The following SYNE2 variants were observed in gnomAD, a reference collection of about 807,000 sequenced individuals.
The protein encoded by SYNE2 is spectrin repeat containing nuclear envelope protein 2.
SYNE2 carries 431 observed loss-of-function variants against 856.3 expected under a neutral mutation model. The observed-to-expected ratio is 0.50, with a 90% CI of 0.47 to 0.55. The LOEUF is 0.55. Among genes scored for constraint, SYNE2 ranks in the 20% least tolerant of loss-of-function variants. The pLI is 0.00. For missense variants in SYNE2, 8,129 were observed against 8,023.2 expected (o/e 1.01, Z -0.50); for synonymous variants, 2,923 against 2,872.3 (o/e 1.02, Z -0.56).
intron 59 of SYNE2, among the ~76,000 whole-genome samples, chr14:64,090,023 T>C (rs1316503100): frequency 6.6e-6 from 1 of 152,208 alleles, no homozygotes; most frequent in African/African-American, 2.4e-5. Flanking sequence ...TTGGATTCTC[T>C]TTCATATCCG....
intron 2 of SYNE2, among the ~76,000 whole-genome samples, chr14:63,910,723 GAATC>G (rs1447932435): frequency 6.6e-6 from 1 of 152,168 alleles, no homozygotes; most frequent in African/African-American, 2.4e-5. Context: ...TGTAAAATGT[GAATC>G]AGAGTTCCCA....
At chr14:64,021,283 G>A (rs372382668) in intron 35 of SYNE2, 32 bp from the exon 36 acceptor site, 4 of 1,537,862 alleles carry the variant, frequency 2.6e-6, no homozygotes, top group Non-Finnish European at 2.7e-6. Flanking sequence ...AATAATGACT[G>A]TTATACAACT....
chr14:63,939,346 T>C (rs4902255), intron 2 of SYNE2, among the ~76,000 whole-genome samples: 15,839 of 125,420 alleles, frequency 0.13, 1,468 homozygotes, highest in African/African-American at 0.28. Context: ...ATTTTTTTTT[T>C]CTTTTTTTTT....
At chr14:64,140,132 A>C in intron 80 of SYNE2, 59 bp downstream of exon 80, 22 of 1,542,570 alleles carry the variant, frequency 1.4e-5, no homozygotes, top group Non-Finnish European at 2.0e-5. Flanking sequence ...ATCAAGGAAA[A>C]AGCATCAGGG....
intron 1 of SYNE2, among the ~76,000 whole-genome samples, chr14:63,817,749 C>T (rs11624091): frequency 0.021 from 3,221 of 152,160 alleles, 64 homozygotes; most frequent in Non-Finnish European, 0.029. Flanking sequence ...TCAGGCCAGG[C>T]GTGGTGGCTC....
chr14:63,900,698 A>C (rs2095325778), intron 1 of SYNE2, among the ~76,000 whole-genome samples: 1 of 152,196 alleles, frequency 6.6e-6, no homozygotes, highest in South Asian at 2.1e-4. Context: ...GGAGGAGGGA[A>C]TAGAGTGGAT....
chr14:64,026,577 A>G lies in SYNE2; in HGVS notation c.6253-2A>G. 1.2e-6 allele frequency: 2 copies of G among 1,611,426 alleles called. No homozygotes were observed. The highest frequency in any genetic ancestry group is 1.7e-6 in the Non-Finnish European group (2 of 1,178,148). ...TTATAAAATCTCTTTTATTTAATTC[A>G]GGAAATCATTTTGCTGAAGCCTGAA... is the stretch of plus-strand genomic sequence containing the variant. On this transcript the variant is annotated splice_acceptor_variant, in intron 41 of 115. Coordinates refer to ENST00000555002, the MANE Select transcript of SYNE2 (RefSeq NM_182914.3). LOFTEE classifies it high-confidence loss of function.
intron 2 of SYNE2, among the ~76,000 whole-genome samples, chr14:63,938,001 T>C (rs1413233347): frequency 3.3e-5 from 5 of 152,028 alleles, no homozygotes; most frequent in Admixed American, 6.6e-5. Flanking sequence ...TGCATGAACT[T>C]GAGATCATGG....
At position 64,182,960 on chromosome 14, in the gene SYNE2, G is replaced by A. The variant is rs967303059; in HGVS notation, c.17557-3464G>A. Among the ~76,000 whole-genome samples, 37 of 151,656 alleles carry A rather than the reference G, an allele frequency of 2.4e-4. 1 individual carries two copies. Among genetic ancestry groups the A allele is most frequent in the South Asian group, 2.1e-4 (1 of 4,796 alleles). ...GGCTCCTCACTTCCCAGAAGGGGCG[G>A]CCGGGCAGAGGCGCCCCCCACCTCC... On this transcript the variant is annotated intron_variant, in intron 96 of 115. Coordinates refer to ENST00000555002, the MANE Select transcript of SYNE2 (RefSeq NM_182914.3).
Position 64,052,839 on chromosome 14 carries a change from G to A in SYNE2, c.8926G>A (p.Gly2976Ser), listed in dbSNP as rs769079237. The change falls in exon 48 of 116, where the codon GGT becomes AGT. Residue 2976 changes from glycine (G) to serine (S), a missense_variant. Physicochemically the swap from Gly to Ser is moderately conservative, Grantham distance 56 (BLOSUM62 0). Transcript: ENST00000555002. Reference protein sequence around the residue: ...ELLLNQEVNKGVKEEIYNLKD... With the variant: ...ELLLNQEVNKSVKEEIYNLKD... Reference sequence around the variant, plus strand: ...ATTACTTAATCAAGAAGTAAATAAAGGTGTTAAAGAGGAGATCTATAATCT... The same window carrying A: ...ATTACTTAATCAAGAAGTAAATAAAAGTGTTAAAGAGGAGATCTATAATCT... 5.0e-6 allele frequency: 8 copies of A among 1,613,492 alleles called. No individual in the cohort carries two copies. The highest frequency in any genetic ancestry group is 6.8e-6 in the Non-Finnish European group (8 of 1,179,936).
chr14:63,876,314 G>C (rs1261879907), intron 1 of SYNE2, among the ~76,000 whole-genome samples: 1 of 151,756 alleles, frequency 6.6e-6, no homozygotes, highest in Admixed American at 6.6e-5. Flanking sequence ...CTACTTGGGA[G>C]GCTGAGGTGG....
chr14:64,031,683 A>AT, intron 45 of SYNE2, among the ~76,000 whole-genome samples: 1 of 152,304 alleles, frequency 6.6e-6, no homozygotes, highest in South Asian at 2.1e-4. Flanking sequence ...TTCTTTACCT[A>AT]TTTTCTCAGG....
rs1230340908 is a variant in SYNE2, at chr14:64,031,046, G to C, written c.6910G>C (p.Gly2304Arg). ...ELENRLSLQD[G>R]TLKKILALAK... ...AGAGAATAGACTCAGTTTACAAGAT[G>C]GCACATTAAAGAAGATTTTAGCTTT... is the stretch of plus-strand genomic sequence containing the variant. The change falls in exon 45 of 116, where the codon GGC becomes CGC. Residue 2304 changes from glycine to arginine, a missense_variant. By Grantham distance (125) the Gly-to-Arg change is moderately radical. Coordinates refer to ENST00000555002, the MANE Select transcript of SYNE2 (RefSeq NM_182914.3). The C allele has an allele frequency of 6.2e-7, 1 of 1,613,786 alleles. No individual in the cohort carries two copies. Among genetic ancestry groups the C allele is most frequent in the Non-Finnish European group, 8.5e-7 (1 of 1,179,948 alleles).
At chr14:64,134,522 TG>T in intron 78 of SYNE2, among the ~76,000 whole-genome samples, 6 of 152,278 alleles carry the variant, frequency 3.9e-5, no homozygotes, top group Admixed American at 3.9e-4. Context: ...TCTCTGGAAG[TG>T]AATGCCAGTG....
Position 63,925,988 on chromosome 14 carries a change from C to T in SYNE2, c.80-14626C>T, listed in dbSNP as rs150242495. Among the ~76,000 whole-genome samples the T allele has an allele frequency of 4.6e-3, 692 of 151,782 alleles. 7 individuals carry two copies. The highest frequency in any genetic ancestry group is 0.016 in the African/African-American group (662 of 41,374). On this transcript the variant is annotated intron_variant, in intron 2 of 115. Coordinates refer to ENST00000555002, the MANE Select transcript of SYNE2 (RefSeq NM_182914.3). Reference sequence around the variant, plus strand: ...CCCACCTCAGCCCCCCAAACAGGTGCGCGCCATGACACCTGGCTAATTTTT... The same window carrying T: ...CCCACCTCAGCCCCCCAAACAGGTGTGCGCCATGACACCTGGCTAATTTTT...
chr14:64,024,925 C>T lies in SYNE2; in HGVS notation c.5854C>T (p.His1952Tyr). 6.2e-7 allele frequency: 1 copy of T among 1,613,822 alleles called. No individual in the cohort carries two copies. Among genetic ancestry groups the T allele is most frequent in the Non-Finnish European group, 8.5e-7 (1 of 1,179,888 alleles). ...ATGCTCTTTTAGACTCCAGGATGAC[C>T]ATAGAAACCTGAGGAAGTGGTTGAC... ...LQQLLRLQDDHRNLRKWLTNQ... is the reference protein window; with the variant it reads ...LQQLLRLQDDYRNLRKWLTNQ... The change falls in exon 40 of 116, where the codon CAT becomes TAT. Residue 1952 changes from histidine to tyrosine, a missense_variant. By Grantham distance (83) the His-to-Tyr change is moderately conservative (BLOSUM62 2). This residue lies in a region of SYNE2 where 2,422 missense variants were observed against 2,357.4 expected (regional missense o/e 1.03). Coordinates refer to ENST00000555002, the MANE Select transcript of SYNE2 (RefSeq NM_182914.3).
intron 96 of SYNE2, among the ~76,000 whole-genome samples, chr14:64,184,518 G>A (rs776657471): frequency 2.0e-5 from 3 of 152,116 alleles, no homozygotes; most frequent in Non-Finnish European, 4.4e-5. Flanking sequence ...GGCATAACTC[G>A]GTGGCCGAGC....
At chr14:64,182,720 T>A (rs898791696) in intron 96 of SYNE2, among the ~76,000 whole-genome samples, 4 of 152,190 alleles carry the variant, frequency 2.6e-5, no homozygotes, top group African/African-American at 9.7e-5. Context: ...GGTCATAGAT[T>A]AACAGCATCC....
chr14:63,959,902 G>A (rs1045972587), intron 8 of SYNE2, among the ~76,000 whole-genome samples: 1 of 151,894 alleles, frequency 6.6e-6, no homozygotes, highest in African/African-American at 2.4e-5. Flanking sequence ...TAATGAAATA[G>A]ACACTATAGT....
Sources: gnomAD v4.1 joint callset for allele counts (sites outside exome capture counted in the v4.1 genomes callset) on GRCh38, gnomAD v4.1.1 for gene constraint, gnomAD v4.1.1 regional missense constraint, MANE v1.5 for transcripts, NCBI Gene and HGNC (gene_info 2026-07-23, HGNC 2026-07-21) for gene names.